ZFX: variants seen among roughly 807,000 people sequenced by gnomAD.
The protein encoded by ZFX is zinc finger protein X-linked.
For missense variants in ZFX, 362 were observed against 628.3 expected (o/e 0.58, Z 4.53); for synonymous variants, 196 against 226.8 (o/e 0.86, Z 1.22).
At chrX:24,179,886 C>T (rs1297087535) in intron 5 of ZFX, 116 bp downstream of exon 5, 17 of 665,249 alleles carry the variant, frequency 2.6e-5, no homozygotes, top group Non-Finnish European at 3.6e-5. Context: ...TCTCATAGAC[C>T]TACCTGCATT....
At chrX:24,156,856 G>A (rs1254194519) in intron 3 of ZFX, among the ~76,000 whole-genome samples, 4 of 110,443 alleles carry the variant, frequency 3.6e-5, no homozygotes, top group Non-Finnish European at 5.7e-5. Flanking sequence ...GGGTTTCACC[G>A]TGTTAGCCAG....
rs1294461883 is a variant in ZFX, at chrX:24,214,115, A to C, written c.*2739A>C. On this transcript the variant is annotated 3_prime_UTR_variant, in exon 10 of 10. Transcript: ENST00000304543. ...AAATTGTAGTCACTGTTATGTACTGACATTAGTTACAACCTAGTTTTAATT... is the reference window on the plus strand; with the variant it reads ...AAATTGTAGTCACTGTTATGTACTGCCATTAGTTACAACCTAGTTTTAATT... 8.9e-6 allele frequency: 1 copy of C among 112,043 alleles called. No homozygotes were observed. Among genetic ancestry groups the C allele is most frequent in the East Asian group, 2.8e-4 (1 of 3,601 alleles). 9.2% of individuals were successfully genotyped at this position (112,043 alleles called of 1,213,427 possible).
chrX:24,191,730 G>A (rs1440111858), intron 5 of ZFX, among the ~76,000 whole-genome samples: 5 of 106,216 alleles, frequency 4.7e-5, no homozygotes, highest in Non-Finnish European at 9.7e-5. Flanking sequence ...ATGGAGTCTT[G>A]TTCTGTCCCC....
intron 3 of ZFX, among the ~76,000 whole-genome samples, chrX:24,168,671 C>CTTTTTTTTTT (rs141296315): frequency 3.6e-5 from 3 of 83,263 alleles, no homozygotes; most frequent in Non-Finnish European, 4.6e-5. Flanking sequence ...TTCTTTCTTT[C>CTTTTTTTTTT]TTTTTTTTTT....
chrX:24,154,131 C>T (rs186912312), intron 3 of ZFX, among the ~76,000 whole-genome samples: 9 of 112,142 alleles, frequency 8.0e-5, no homozygotes, highest in African/African-American at 2.9e-4. Flanking sequence ...TTGAGGTACA[C>T]AGCCATTAGG....
chrX:24,160,338 G>A (rs1601806221), intron 3 of ZFX, among the ~76,000 whole-genome samples: 4 of 93,814 alleles, frequency 4.3e-5, no homozygotes, highest in East Asian at 6.3e-4. Flanking sequence ...TCGCTCTGTC[G>A]CCCAAGGTGG....
chrX:24,157,266 T>C (rs953746846), intron 3 of ZFX, among the ~76,000 whole-genome samples: 7 of 112,319 alleles, frequency 6.2e-5, no homozygotes, highest in Non-Finnish European at 9.4e-5. Context: ...CTTTTAGTTA[T>C]AGTTGCTATT....
At chrX:24,180,009 C>T (rs972165962) in intron 5 of ZFX, among the ~76,000 whole-genome samples, 1 of 110,682 alleles carries the variant, frequency 9.0e-6, no homozygotes, top group Non-Finnish European at 1.9e-5. Context: ...AGGTGGATCA[C>T]CTGAGGTCAG....
At chrX:24,202,932 C>T (rs1323763417) in intron 5 of ZFX, among the ~76,000 whole-genome samples, 1 of 111,991 alleles carries the variant, frequency 8.9e-6, no homozygotes, top group Non-Finnish European at 1.9e-5. Context: ...AAAAACCAGA[C>T]AGTGGCCACA....
At chrX:24,166,215 A>G (rs1434680574) in intron 3 of ZFX, among the ~76,000 whole-genome samples, 4 of 112,704 alleles carry the variant, frequency 3.5e-5, no homozygotes. Context: ...GTCATTTTAC[A>G]GCCAAGTTTT....
chrX:24,184,723 A>G lies in ZFX; in HGVS notation c.646+4953A>G, dbSNP rs1033371711. 7.2e-5 allele frequency among the ~76,000 whole-genome samples: 8 copies of G among 111,376 alleles called. No homozygotes were observed. In the Admixed American group the frequency reaches 7.7e-4, roughly 11 times the overall value. ...ATAAATGGCTATTAGTGTATTTTAT[A>G]TATTTTAATATATGTTTTATGTATG... On this transcript the variant is annotated intron_variant, in intron 5 of 9. Coordinates refer to ENST00000304543, the MANE Select transcript of ZFX (RefSeq NM_003410.4).
rs1936975053 is a variant in ZFX at position 24,197,127 on chromosome X, A to G, written c.647-10199A>G. Reference sequence around the variant, plus strand: ...ATCAAAGAAAGTTCTGTTGGTTAGCACTGATCTGCAGGCTCAGTGAAATTG... The same window carrying G: ...ATCAAAGAAAGTTCTGTTGGTTAGCGCTGATCTGCAGGCTCAGTGAAATTG... On this transcript the variant is annotated intron_variant, in intron 5 of 9. Transcript: ENST00000304543. 2.7e-5 allele frequency among the ~76,000 whole-genome samples: 3 copies of G among 112,076 alleles called. No individual in the cohort carries two copies. The South Asian group carries it at 1.1e-3, about 41-fold the overall frequency.
chrX:24,167,579 C>T (rs1934124550), intron 3 of ZFX, among the ~76,000 whole-genome samples: 1 of 110,671 alleles, frequency 9.0e-6, no homozygotes, highest in South Asian at 3.8e-4. Context: ...CGTGTCCACC[C>T]AAAAAAGAAA....
At chrX:24,177,898 G>A in intron 4 of ZFX, 1 of 722,008 alleles carries the variant, frequency 1.4e-6, no homozygotes, top group Middle Eastern at 8.0e-4. Flanking sequence ...AAAATAGTAT[G>A]TTTGTCACCT....
At chrX:24,177,860 C>CA (rs774146626) in intron 4 of ZFX, 1 of 747,457 alleles carries the variant, frequency 1.3e-6, no homozygotes, top group East Asian at 1.5e-4. Flanking sequence ...GGAGGTGGAG[C>CA]AAAAAGGTAA....
At chrX:24,161,308 C>A (rs973390352) in intron 3 of ZFX, among the ~76,000 whole-genome samples, 2 of 112,106 alleles carry the variant, frequency 1.8e-5, no homozygotes, top group South Asian at 7.3e-4. Flanking sequence ...TAAATTGATA[C>A]ATACAGAAAT....
chrX:24,176,884 T>C (rs766188098), intron 4 of ZFX, among the ~76,000 whole-genome samples: 3 of 112,250 alleles, frequency 2.7e-5, no homozygotes, highest in Admixed American at 9.4e-5. Context: ...GTAAGACTTA[T>C]AAAACTTTCT....
At chrX:24,189,581 G>A (rs1185990590) in intron 5 of ZFX, among the ~76,000 whole-genome samples, 1 of 111,733 alleles carries the variant, frequency 8.9e-6, no homozygotes, top group Non-Finnish European at 1.9e-5. Flanking sequence ...TCTGATAGTT[G>A]ATTGATTGAT....
rs186915877 is a variant in ZFX at position 24,192,598 on chromosome X, A to G, written c.646+12828A>G. ...TTTCAATCTTTATTGAAATGTGGCA[A>G]TCAGTGTTGCAGTGTTAAGATTTTG... On this transcript the variant is annotated intron_variant, in intron 5 of 9. Coordinates refer to ENST00000304543, the MANE Select transcript of ZFX (RefSeq NM_003410.4). Among the ~76,000 whole-genome samples, 30 of 111,514 alleles carry G rather than the reference A, an allele frequency of 2.7e-4. No homozygotes were observed. In the East Asian group the frequency reaches 3.6e-3, roughly 14 times the overall value.
Sources: allele counts gnomAD v4.1 joint callset (sites outside exome capture counted in the v4.1 genomes callset), GRCh38; gene constraint gnomAD v4.1.1; transcripts MANE v1.5; gene names NCBI Gene and HGNC (gene_info 2026-07-23, HGNC 2026-07-21).